The following TRAPPC9 variants were observed in gnomAD, a reference collection of about 807,000 sequenced individuals.
TRAPPC9 encodes the protein IKK2 binding protein.
A neutral mutation model predicts 124.0 loss-of-function variants in TRAPPC9; 83 were observed. The ratio of observed to expected loss-of-function variants is 0.67; its 90% CI spans 0.56 to 0.80. The LOEUF (loss-of-function observed/expected upper bound fraction) is 0.80. TRAPPC9 is among the 30% of genes least tolerant of loss of function. TRAPPC9 has a pLI of 0.00. For synonymous variants in TRAPPC9, 638 were observed against 617.5 expected (o/e 1.03, Z -0.49); for missense variants, 1,302 against 1,508.3 (o/e 0.86, Z 2.27).
intron 21 of TRAPPC9, among the ~76,000 whole-genome samples, chr8:139,801,819 G>A (rs1328841037): frequency 6.6e-6 from 1 of 152,150 alleles, no homozygotes; most frequent in Admixed American, 6.5e-5. Context: ...GCTAATAAAT[G>A]GGATTTGCGG....
intron 21 of TRAPPC9, among the ~76,000 whole-genome samples, chr8:139,795,890 C>A (rs771731589): frequency 8.5e-5 from 13 of 152,102 alleles, no homozygotes; most frequent in Non-Finnish European, 1.0e-4. Context: ...GGGTCATTAG[C>A]CCACGGTGAA....
At chr8:140,094,361 G>C (rs1002966887) in intron 17 of TRAPPC9, among the ~76,000 whole-genome samples, 10 of 152,188 alleles carry the variant, frequency 6.6e-5, no homozygotes, top group African/African-American at 2.2e-4. Flanking sequence ...CTGTGGGTGT[G>C]GCAGCGTAGG....
chr8:140,124,579 C>T (rs1265613233), intron 17 of TRAPPC9, among the ~76,000 whole-genome samples: 1 of 152,172 alleles, frequency 6.6e-6, no homozygotes, highest in African/African-American at 2.4e-5. Flanking sequence ...GGGGGCATTA[C>T]TGCATCTACC....
At chr8:140,294,186 T>C (rs748633389) in intron 11 of TRAPPC9, among the ~76,000 whole-genome samples, 2 of 152,098 alleles carry the variant, frequency 1.3e-5, no homozygotes, top group East Asian at 1.9e-4. Context: ...ACTCAGGTCT[T>C]GTCCTTCCCT....
intron 17 of TRAPPC9, among the ~76,000 whole-genome samples, chr8:140,076,493 A>G (rs1031694010): frequency 2.0e-5 from 3 of 152,246 alleles, no homozygotes; most frequent in Non-Finnish European, 4.4e-5. Context: ...GTGAGGTCAA[A>G]GGAAGAGTGC....
chr8:139,947,894 G>GTGTGTATATATATATA lies in TRAPPC9; in HGVS notation c.2811-37595_2811-37594insTATATATATATACACA, dbSNP rs1554678277. ...AAAAAAAAAAAAAAGAAATATGTGT[G>GTGTGTATATATATATA]TATATATATATATAGAGAGAGAGAG... On this transcript the variant is annotated intron_variant, in intron 19 of 22. Coordinates refer to ENST00000438773, the MANE Select transcript of TRAPPC9 (RefSeq NM_001160372.4). 3.9e-4 allele frequency among the ~76,000 whole-genome samples: 26 copies of GTGTGTATATATATATA among 65,834 alleles called. 2 individuals carry two copies. Among genetic ancestry groups the GTGTGTATATATATATA allele is most frequent in the East Asian group, 7.8e-4 (2 of 2,566 alleles). The allele number at this position is 65,834 out of a possible 152,430, so 43.2% of individuals were successfully genotyped here.
At chr8:139,827,429 C>A (rs560753001) in intron 21 of TRAPPC9, among the ~76,000 whole-genome samples, 1 of 152,232 alleles carries the variant, frequency 6.6e-6, no homozygotes, top group African/African-American at 2.4e-5. Flanking sequence ...GAAGACACCA[C>A]GGCAAGCTGG....
chr8:140,212,180 G>A (rs535733263), intron 17 of TRAPPC9, among the ~76,000 whole-genome samples: 5 of 152,346 alleles, frequency 3.3e-5, no homozygotes, highest in African/African-American at 1.2e-4. Flanking sequence ...CTGGCCTCAG[G>A]CAAGCGCAGG....
At chr8:140,074,522 A>T (rs1297764449) in intron 17 of TRAPPC9, among the ~76,000 whole-genome samples, 4 of 152,198 alleles carry the variant, frequency 2.6e-5, no homozygotes, top group Non-Finnish European at 4.4e-5. Context: ...TGCACAGAAG[A>T]TGGCAGGGTG....
rs1022094877 is a variant in TRAPPC9, at chr8:140,252,217, G to A, written c.2431+560C>T. On this transcript the variant is annotated intron_variant, in intron 16 of 22. Coordinates refer to ENST00000438773, the MANE Select transcript of TRAPPC9 (RefSeq NM_001160372.4). The surrounding 1 kb of genome is among the most constrained non-coding windows in gnomAD (Gnocchi z 4.2). ...ATTTTTGTATTGTTAATAGAGACAG[G>A]ATTTCACCATGTTGTCCAGGCTGGT... 1.3e-5 allele frequency among the ~76,000 whole-genome samples: 2 copies of A among 152,042 alleles called. No homozygotes were observed. The highest frequency in any genetic ancestry group is 1.5e-5 in the Non-Finnish European group (1 of 68,026).
At chr8:140,404,573 G>A (rs1257985732) in intron 6 of TRAPPC9, among the ~76,000 whole-genome samples, 4 of 152,148 alleles carry the variant, frequency 2.6e-5, no homozygotes, top group South Asian at 2.1e-4. Context: ...GTCCGGAGGC[G>A]AGAGTACACC....
At chr8:139,903,626 T>C (rs575788432) in intron 20 of TRAPPC9, among the ~76,000 whole-genome samples, 2 of 152,362 alleles carry the variant, frequency 1.3e-5, no homozygotes, top group Admixed American at 1.3e-4. Context: ...CAGGCTGCGA[T>C]GTAGACTCAT....
At chr8:140,391,050 G>T (rs1298440321) in intron 7 of TRAPPC9, among the ~76,000 whole-genome samples, 1 of 152,164 alleles carries the variant, frequency 6.6e-6, no homozygotes, top group East Asian at 1.9e-4. Context: ...TGCATATCTA[G>T]CAGGCTTTTC....
chr8:140,101,284 T>A (rs762125911), intron 17 of TRAPPC9, among the ~76,000 whole-genome samples: 2 of 150,106 alleles, frequency 1.3e-5, no homozygotes, highest in African/African-American at 2.5e-5. Context: ...AAACTACAGG[T>A]CCACACTACG....
At chr8:140,326,038 A>G (rs1362795763) in intron 9 of TRAPPC9, among the ~76,000 whole-genome samples, 1 of 152,176 alleles carries the variant, frequency 6.6e-6, no homozygotes, top group Non-Finnish European at 1.5e-5. Context: ...CACAAATGGA[A>G]ATATACAAAT....
chr8:140,180,999 T>C (rs558797848), intron 17 of TRAPPC9, among the ~76,000 whole-genome samples: 4 of 152,314 alleles, frequency 2.6e-5, no homozygotes, highest in African/African-American at 7.2e-5. Flanking sequence ...CTCAGGCTAA[T>C]TCTCAGTTGC....
intron 21 of TRAPPC9, among the ~76,000 whole-genome samples, chr8:139,863,257 C>T (rs1257109646): frequency 6.6e-6 from 1 of 152,248 alleles, no homozygotes; most frequent in Admixed American, 6.5e-5. Flanking sequence ...CCCTGTCTCC[C>T]CAGGACTCAG....
intron 21 of TRAPPC9, among the ~76,000 whole-genome samples, chr8:139,735,943 G>A (rs924702921): frequency 1.3e-5 from 2 of 152,254 alleles, no homozygotes; most frequent in Admixed American, 6.5e-5. Flanking sequence ...GGGGTTGGCA[G>A]GGGTTGTGGG....
intron 9 of TRAPPC9, among the ~76,000 whole-genome samples, chr8:140,330,296 A>G (rs545481943): frequency 6.6e-5 from 10 of 152,318 alleles, no homozygotes; most frequent in Middle Eastern, 6.8e-3. Flanking sequence ...CTACCTAGAA[A>G]GGCTGAAAAA....
Sources: gnomAD v4.1 joint callset for allele counts (sites outside exome capture counted in the v4.1 genomes callset) on GRCh38, gnomAD v4.1.1 for gene constraint, Gnocchi (gnomAD v3.1) non-coding constraint, MANE v1.5 for transcripts, NCBI Gene and HGNC (gene_info 2026-07-23, HGNC 2026-07-21) for gene names.